The following RYR2 variants were observed in gnomAD, a reference collection of about 807,000 sequenced individuals.
RYR2 encodes the protein ryanodine receptor 2.
Under a neutral mutation model 601.1 loss-of-function variants are expected in RYR2, and 227 were observed. That is an observed-to-expected ratio of 0.38 (90% CI 0.34 to 0.42). The LOEUF is 0.42. RYR2 is among the 10% of genes least tolerant of loss of function. The probability of loss-of-function intolerance (pLI) is 1.00; values close to 1 mark genes in which losing one functional copy is unlikely to be tolerated. For missense variants in RYR2, 4,646 were observed against 6,156.5 expected, an observed-to-expected ratio of 0.75 and a Z score of 8.21; for synonymous variants, 2,223 against 2,175.1, an observed-to-expected ratio of 1.02 and a Z score of -0.61.
intron 32 of RYR2, among the ~76,000 whole-genome samples, chr1:237,592,431 A>T (rs1211154939): frequency 6.6e-6 from 1 of 152,066 alleles, no homozygotes; most frequent in Admixed American, 6.6e-5. Flanking sequence ...TCAAGAGTTC[A>T]AGACCAGCCT....
chr1:237,073,865 T>TAAAAA (rs770238369), intron 1 of RYR2, among the ~76,000 whole-genome samples: 13,895 of 86,906 alleles, frequency 0.16, 812 homozygotes, highest in Non-Finnish European at 0.2. Context: ...AGACTCCATC[T>TAAAAA]TAAAAAAAAA....
chr1:237,495,930 A>G (rs975864885), intron 19 of RYR2, among the ~76,000 whole-genome samples: 2 of 152,204 alleles, frequency 1.3e-5, no homozygotes, highest in African/African-American at 4.8e-5. Flanking sequence ...AGACAAAATA[A>G]CATTAGTTCC....
intron 38 of RYR2, among the ~76,000 whole-genome samples, chr1:237,621,205 T>G (rs1487169853): frequency 6.6e-6 from 1 of 152,034 alleles, no homozygotes; most frequent in Non-Finnish European, 1.5e-5. Context: ...AAAGATTCAT[T>G]AAACTAAAAG....
chr1:237,656,203 ACAAT>A (rs1683228134), intron 53 of RYR2, among the ~76,000 whole-genome samples: 1 of 152,220 alleles, frequency 6.6e-6, no homozygotes, highest in African/African-American at 2.4e-5. Context: ...TACTCTTAAC[ACAAT>A]CAAGACTCTG....
At chr1:237,679,859 C>T (rs950625) in intron 61 of RYR2, among the ~76,000 whole-genome samples, 29,469 of 151,936 alleles carry the variant, frequency 0.19, 3,745 homozygotes, top group East Asian at 0.53. Flanking sequence ...GAGGGAATGG[C>T]GTGTACGAGG....
At chr1:237,577,015 C>T (rs1266653147) in intron 29 of RYR2, among the ~76,000 whole-genome samples, 3 of 152,106 alleles carry the variant, frequency 2.0e-5, no homozygotes, top group Non-Finnish European at 2.9e-5. Flanking sequence ...CTCTTAGGAG[C>T]TCAAATTGGT....
chr1:237,559,418 G>A (rs950563232), intron 27 of RYR2, among the ~76,000 whole-genome samples: 2 of 151,824 alleles, frequency 1.3e-5, no homozygotes, highest in African/African-American at 2.4e-5. Context: ...GGCTAATTTT[G>A]TATTTTTAGT....
Position 237,783,948 on chromosome 1 carries a change from A to G in RYR2, c.12236A>G (p.Asp4079Gly), listed in dbSNP as rs772531906. Residue 4079 changes from aspartate (D) to glycine (G), a missense_variant, in exon 90 of 105, where the codon GAC becomes GGC. This residue lies in a region of RYR2 where 66 missense variants were observed against 80.7 expected (regional missense o/e 0.82). Transcript: ENST00000366574. ...CAETDENETLDYEEFVKRFHE... is the reference protein window; with the variant it reads ...CAETDENETLGYEEFVKRFHE... Reference sequence around the variant, plus strand: ...GAGACGGATGAGAATGAAACCCTCGACTACGAAGAGTTCGTCAAACGCTTC... The same window carrying G: ...GAGACGGATGAGAATGAAACCCTCGGCTACGAAGAGTTCGTCAAACGCTTC... 2 of 1,613,672 alleles carry G rather than the reference A, an allele frequency of 1.2e-6. No individual in the cohort carries two copies.
intron 63 of RYR2, among the ~76,000 whole-genome samples, chr1:237,687,824 G>A (rs1475720590): frequency 6.6e-6 from 1 of 152,106 alleles, no homozygotes; most frequent in East Asian, 1.9e-4. Flanking sequence ...CCAGGCCCTT[G>A]GATTTGTGTT....
At chr1:237,388,826 AG>A (rs777312261) in intron 10 of RYR2, among the ~76,000 whole-genome samples, 14 of 152,216 alleles carry the variant, frequency 9.2e-5, no homozygotes, top group Non-Finnish European at 1.8e-4. Context: ...TATGTAAATA[AG>A]AGATTGCAGT....
chr1:237,424,270 TAGAA>T (rs1329269382), intron 12 of RYR2, among the ~76,000 whole-genome samples: 3 of 152,350 alleles, frequency 2.0e-5, no homozygotes, highest in South Asian at 2.1e-4. Context: ...GCTTTCATCT[TAGAA>T]AGGCAAAACT....
rs1389341171 is a variant in RYR2, at chr1:237,565,179, CTTTCTT to C, written c.3215-1386_3215-1381del. 8.4e-3 allele frequency among the ~76,000 whole-genome samples: 1,005 copies of C among 120,296 alleles called. 36 individuals are homozygous for C. Among genetic ancestry groups the C allele is most frequent in the South Asian group, 0.031 (115 of 3,706 alleles). The allele number at this position is 120,296 out of a possible 152,430, so 78.9% of individuals were successfully genotyped here. On this transcript the variant is annotated intron_variant, in intron 27 of 104. Transcript: ENST00000366574. ...TTTCTCTTTCTTTCTTTCTTTCTTTCTTTCTTTCTTTCTTTCTTTCTTTCTTTCTTT... is the reference window on the plus strand; with the variant it reads ...TTTCTCTTTCTTTCTTTCTTTCTTTCTCTTTCTTTCTTTCTTTCTTTCTTT...
In RYR2 at chr1:237,761,830, G is replaced by T. The variant is rs569094358; in HGVS notation, c.11476+802G>T. Among the ~76,000 whole-genome samples, 106 of 152,160 alleles carry T rather than the reference G, an allele frequency of 7.0e-4. 1 individual carries two copies. The highest frequency in any genetic ancestry group is 2.5e-3 in the African/African-American group (104 of 41,536). On this transcript the variant is annotated intron_variant, in intron 84 of 104. Transcript: ENST00000366574. ...TATCTGTTTTTGTTTGTTTTGTGTG[G>T]TTTGGATATGTCTTCTTGTCAATTA...
At chr1:237,512,778 G>A (rs1666039017) in intron 24 of RYR2, among the ~76,000 whole-genome samples, 1 of 152,154 alleles carries the variant, frequency 6.6e-6, no homozygotes, top group African/African-American at 2.4e-5. Flanking sequence ...GGCTGAGGTG[G>A]GAGGATGGAT....
intron 12 of RYR2, among the ~76,000 whole-genome samples, chr1:237,429,236 G>A (rs982974630): frequency 6.6e-6 from 1 of 152,180 alleles, no homozygotes; most frequent in African/African-American, 2.4e-5. Context: ...TGATCTCACT[G>A]AGTATCAGGA....
intron 27 of RYR2, among the ~76,000 whole-genome samples, chr1:237,560,970 G>A (rs1671389655): frequency 6.6e-6 from 1 of 152,190 alleles, no homozygotes; most frequent in African/African-American, 2.4e-5. Context: ...TAGATGTTGA[G>A]AGTGAAGGTA....
At chr1:237,241,793 T>C (rs679735) in intron 1 of RYR2, among the ~76,000 whole-genome samples, 34,213 of 152,124 alleles carry the variant, frequency 0.22, 4,335 homozygotes, top group East Asian at 0.34. Context: ...CTTCCAGACA[T>C]TGTCATGGCC....
At chr1:237,492,012 A>G (rs1031915812) in intron 18 of RYR2, 88 bp downstream of exon 18, 29 of 683,454 alleles carry the variant, frequency 4.2e-5, no homozygotes, top group Non-Finnish European at 6.6e-5. Context: ...AAGTGTGTCA[A>G]ATTTTTCATG....
chr1:237,067,725 T>C (rs1663826516), intron 1 of RYR2, among the ~76,000 whole-genome samples: 1 of 152,238 alleles, frequency 6.6e-6, no homozygotes, highest in South Asian at 2.1e-4. Flanking sequence ...GGCATCTTTA[T>C]TATTTTGTCT....
Sources: gnomAD v4.1 joint callset for allele counts (sites outside exome capture counted in the v4.1 genomes callset) on GRCh38, gnomAD v4.1.1 for gene constraint, gnomAD v4.1.1 regional missense constraint, MANE v1.5 for transcripts, NCBI Gene and HGNC (gene_info 2026-07-23, HGNC 2026-07-21) for gene names.